The following WDPCP variants were observed in gnomAD, a reference collection of about 807,000 sequenced individuals.
WDPCP encodes WD repeat containing planar cell polarity effector.
A neutral mutation model predicts 93.1 loss-of-function variants in WDPCP; 71 were observed. The ratio of observed to expected loss-of-function variants is 0.76; its 90% CI spans 0.63 to 0.93. WDPCP has a LOEUF of 0.93. Ranked by LOEUF, WDPCP falls within the 40% of genes least tolerant of loss-of-function variation. The probability of loss-of-function intolerance (pLI) is 0.00; values close to 1 mark genes in which losing one functional copy is unlikely to be tolerated. For synonymous variants in WDPCP, 315 were observed against 315.0 expected (o/e 1.00, Z 0.00); for missense variants, 844 against 887.4 (o/e 0.95, Z 0.62).
chr2:63,802,756 G>C (rs960432147), intron 2 of WDPCP, among the ~76,000 whole-genome samples: 3 of 152,112 alleles, frequency 2.0e-5, no homozygotes, highest in Admixed American at 6.5e-5. Flanking sequence ...GACACATAGA[G>C]ATGTATTATG....
the WDPCP span, among the ~76,000 whole-genome samples, chr2:63,839,159 G>A: frequency 6.6e-6 from 1 of 152,198 alleles, no homozygotes; most frequent in African/African-American, 2.4e-5. Context: ...GCCATTCTTA[G>A]ATATTAACAA....
At chr2:63,779,028 A>C (rs1641762006) in intron 2 of WDPCP, among the ~76,000 whole-genome samples, 1 of 152,178 alleles carries the variant, frequency 6.6e-6, no homozygotes, top group African/African-American at 2.4e-5. Flanking sequence ...AAGAAGGGGA[A>C]TGTATCTTTT....
At chr2:63,604,992 C>A in intron 3 of WDPCP, 2 of 971,248 alleles carry the variant, frequency 2.1e-6, no homozygotes, top group African/African-American at 1.6e-5. Flanking sequence ...TGCATACTTT[C>A]GGGATCATAG....
At chr2:63,478,173 G>A (rs1700073799) in intron 6 of WDPCP, among the ~76,000 whole-genome samples, 1 of 151,944 alleles carries the variant, frequency 6.6e-6, no homozygotes, top group South Asian at 2.1e-4. Context: ...TAACAATGGA[G>A]GCCCCAAATT....
At chr2:63,750,168 T>C (rs1482061166) in intron 2 of WDPCP, among the ~76,000 whole-genome samples, 5 of 152,030 alleles carry the variant, frequency 3.3e-5, no homozygotes, top group East Asian at 1.9e-4. Flanking sequence ...CAATCGGTGA[T>C]TGGGAGACAC....
At chr2:63,599,143 C>T in intron 3 of WDPCP, 1 of 1,610,200 alleles carries the variant, frequency 6.2e-7, no homozygotes, top group Non-Finnish European at 8.5e-7. Flanking sequence ...TAGTCTGTAA[C>T]TCTTCAGTGC....
intron 13 of WDPCP, among the ~76,000 whole-genome samples, chr2:63,288,885 A>G (rs1226483344): frequency 6.6e-6 from 1 of 152,068 alleles, no homozygotes; most frequent in Non-Finnish European, 1.5e-5. Flanking sequence ...GCTGGTTATT[A>G]GAATGTCTCT....
intron 2 of WDPCP, among the ~76,000 whole-genome samples, chr2:63,697,128 T>C (rs1230567865): frequency 1.1e-5 from 1 of 90,376 alleles, no homozygotes; most frequent in African/African-American, 5.1e-5. Flanking sequence ...GTAGTTATAG[T>C]AGCTGTAGTA....
chr2:63,403,239 A>C (rs1694288327), intron 10 of WDPCP, among the ~76,000 whole-genome samples: 1 of 152,158 alleles, frequency 6.6e-6, no homozygotes, highest in Non-Finnish European at 1.5e-5. Context: ...TTATGAACAC[A>C]AAGAAGAAAA....
intron 2 of WDPCP, among the ~76,000 whole-genome samples, chr2:63,714,530 C>G (rs903391427): frequency 6.6e-6 from 1 of 152,124 alleles, no homozygotes; most frequent in Admixed American, 6.5e-5. Flanking sequence ...TACCATACAA[C>G]CCAGCAATTC....
At chr2:63,234,023 C>T (rs1293828543) in intron 14 of WDPCP, among the ~76,000 whole-genome samples, 1 of 152,162 alleles carries the variant, frequency 6.6e-6, no homozygotes, top group Non-Finnish European at 1.5e-5. Flanking sequence ...CTCTCAGCAT[C>T]ATAATTTTTA....
Position 63,622,059 on chromosome 2 carries a change from C to CTTT in WDPCP, n.488+28597_488+28599dup, listed in dbSNP as rs1558868596. ...CTCCCCTCACCCCTCAACATTCTTT[C>CTTT]TTTTTTCTTTTTTTTTTTTTTTTTT... On this transcript the variant is annotated intron_variant and non_coding_transcript_variant, in intron 3 of 4. Transcript: ENST00000467687. 4 of 543,852 alleles carry CTTT rather than the reference C, an allele frequency of 7.4e-6. No homozygotes were observed. In the African/African-American group the frequency reaches 9.6e-5, roughly 13 times the overall value. The allele number at this position is 543,852 out of a possible 1,614,324, so 33.7% of individuals were successfully genotyped here.
intron 2 of WDPCP, among the ~76,000 whole-genome samples, chr2:63,722,573 C>CCCCCGCCCGGCCAGCCG (rs1402083517): frequency 2.1e-5 from 3 of 141,232 alleles, no homozygotes; most frequent in African/African-American, 7.9e-5. Flanking sequence ...GGGGGTCAGC[C>CCCCCGCCCGGCCAGCCG]CCCCGCCCGG....
chr2:63,138,069 A>T (rs1424895287), intron 17 of WDPCP, among the ~76,000 whole-genome samples: 21 of 117,080 alleles, frequency 1.8e-4, no homozygotes, highest in South Asian at 2.8e-4. Context: ...GTTCCATATG[A>T]TTTTTTTTTT....
At chr2:63,595,320 A>G in intron 3 of WDPCP, 1 of 752,194 alleles carries the variant, frequency 1.3e-6, no homozygotes, top group Non-Finnish European at 2.4e-6. Context: ...AATTAATGGG[A>G]ATTACATGCA....
intron 2 of WDPCP, among the ~76,000 whole-genome samples, chr2:63,655,826 C>G (rs531232210): frequency 1.5e-4 from 23 of 152,274 alleles, no homozygotes; most frequent in African/African-American, 4.6e-4. Context: ...GAAGAACTTT[C>G]TCATTCTTTC....
intron 2 of WDPCP, among the ~76,000 whole-genome samples, chr2:63,673,212 T>C (rs976974971): frequency 1.3e-5 from 2 of 152,136 alleles, no homozygotes; most frequent in African/African-American, 4.8e-5. Context: ...ATAGAGGAGA[T>C]ACCAAACCAC....
chr2:63,444,252 C>T (rs1456474854), intron 6 of WDPCP, among the ~76,000 whole-genome samples: 1 of 151,974 alleles, frequency 6.6e-6, no homozygotes, highest in African/African-American at 2.4e-5. Context: ...TTCCAAATGT[C>T]CTATGGACTA....
chr2:63,404,613 G>A lies in WDPCP; in HGVS notation c.870C>T (p.Arg290=), dbSNP rs1368889929. 1.9e-6 allele frequency: 3 copies of A among 1,614,004 alleles called. No individual in the cohort carries two copies. The highest frequency in any genetic ancestry group is 2.5e-6 in the Non-Finnish European group (3 of 1,179,996). The change falls in exon 10 of 18, where the codon CGC becomes CGT. Residue 290 remains arginine (R), a synonymous_variant. Transcript: ENST00000272321. ...CCTGATAAGGCTGTTTGGTGCCAAA[G>A]CGAACATCCAGTGGGTCCCATTCTG... ...VRTEWDPLDV[R]FGTKQPYQVF...
Sources: allele counts gnomAD v4.1 joint callset (sites outside exome capture counted in the v4.1 genomes callset), GRCh38; gene constraint gnomAD v4.1.1; transcripts MANE v1.5; gene names NCBI Gene and HGNC (gene_info 2026-07-23, HGNC 2026-07-21).